DCBLD1: variants seen among roughly 807,000 people sequenced by gnomAD.
The protein encoded by DCBLD1 is discoidin, CUB and LCCL domain-containing protein 1.
Under a neutral mutation model 71.5 loss-of-function variants are expected in DCBLD1, and 57 were observed. That is an observed-to-expected ratio of 0.80 (90% CI 0.64 to 0.99). The LOEUF is 0.99. DCBLD1 is among the 50% of genes least tolerant of loss of function. The pLI is 0.00. For synonymous variants in DCBLD1, 380 were observed against 363.8 expected, an observed-to-expected ratio of 1.04 and a Z score of -0.51; for missense variants, 891 against 923.5, an observed-to-expected ratio of 0.96 and a Z score of 0.46.
chr6:117,560,851 A>G (rs1779571463), intron 14 of DCBLD1: 1 of 214,686 alleles, frequency 4.7e-6, no homozygotes, highest in Non-Finnish European at 9.4e-6. Context: ...TCTCGATGAA[A>G]TGGCTTTGCA....
intron 5 of DCBLD1, 60 bp downstream of exon 5, chr6:117,525,494 C>A: frequency 8.1e-7 from 1 of 1,238,228 alleles, no homozygotes; most frequent in South Asian, 2.2e-5. Flanking sequence ...TTTACTCTGC[C>A]TAAATTAATT....
chr6:117,543,076 G>T, intron 11 of DCBLD1, 48 bp from the exon 12 acceptor site: 2 of 1,489,200 alleles, frequency 1.3e-6, no homozygotes, highest in South Asian at 1.1e-5. Context: ...ATGAAAAGTG[G>T]TTGTTGGTCA....
chr6:117,482,937 G>A (rs1776944597), intron 1 of DCBLD1, 44 bp downstream of exon 1: 8 of 1,158,996 alleles, frequency 6.9e-6, no homozygotes, highest in African/African-American at 3.3e-5. Context: ...CGAGGCGCCA[G>A]GGGCGGGCTG....
intron 14 of DCBLD1, chr6:117,562,431 T>C (rs1048279515): frequency 3.0e-5 from 6 of 201,864 alleles, no homozygotes; most frequent in African/African-American, 1.4e-4. Flanking sequence ...TCAAAATGTA[T>C]AAAACTGTCT....
chr6:117,482,957 GGGCGGGCCGGGCCGGGCCGA>G, intron 1 of DCBLD1, 64 bp downstream of exon 1: 1 of 618,098 alleles, frequency 1.6e-6, no homozygotes, highest in Non-Finnish European at 1.9e-6. Flanking sequence ...GAGGGCTGCG[GGGCGGGCCGGGCCGGGCCGA>G]GGGCTACGGG....
downstream of DCBLD1, among the ~76,000 whole-genome samples, chr6:117,553,052 A>G (rs1451818911): frequency 6.6e-6 from 1 of 152,216 alleles, no homozygotes; most frequent in African/African-American, 2.4e-5. Context: ...CCATCTCTCC[A>G]TCTTCATCAC....
intron 3 of DCBLD1, 100 bp downstream of exon 3, chr6:117,520,050 C>T: frequency 6.5e-7 from 1 of 1,547,430 alleles, no homozygotes; most frequent in Non-Finnish European, 8.8e-7. Context: ...GACTCAGATG[C>T]AGAATTAAGA....
exon 15 of DCBLD1, chr6:117,569,653 A>G (rs1338756794): frequency 1.9e-6 from 3 of 1,612,770 alleles, no homozygotes; most frequent in Non-Finnish European, 2.5e-6. Context: ...TAGCATCCCC[A>G]ACGTGCAGCC....
intron 6 of DCBLD1, among the ~76,000 whole-genome samples, chr6:117,536,023 C>T (rs915740119): frequency 3.9e-5 from 6 of 152,080 alleles, no homozygotes; most frequent in African/African-American, 1.4e-4. Context: ...TGGAGTCTGC[C>T]AAGCATAGAC....
At chr6:117,510,936 C>A (rs1010485650) in intron 2 of DCBLD1, among the ~76,000 whole-genome samples, 1 of 152,200 alleles carries the variant, frequency 6.6e-6, no homozygotes, top group Non-Finnish European at 1.5e-5. Context: ...TCATTTAACC[C>A]TTATAACAGC....
At chr6:117,558,277 G>A (rs1435100754) in intron 14 of DCBLD1, among the ~76,000 whole-genome samples, 1 of 152,102 alleles carries the variant, frequency 6.6e-6, no homozygotes, top group Non-Finnish European at 1.5e-5. Flanking sequence ...GGCCTCCTTG[G>A]GAGCTGCCCC....
At chr6:117,496,534 C>G (rs56115066) in intron 1 of DCBLD1, among the ~76,000 whole-genome samples, 17,673 of 152,178 alleles carry the variant, frequency 0.12, 1,187 homozygotes, top group Non-Finnish European at 0.14. Flanking sequence ...GCAAGCTCTC[C>G]TTTGTGGTTG....
Position 117,548,283 on chromosome 6 carries a change from C to G in DCBLD1, c.1992C>G (p.Gly664=). ...ACAGCGCACAGCCTGCGGACAGGGGCTACGACCGGCCCAAAGCTGTCAGCG... is the reference window on the plus strand; with the variant it reads ...ACAGCGCACAGCCTGCGGACAGGGGGTACGACCGGCCCAAAGCTGTCAGCG... ...RPHSAQPADR[G]YDRPKAVSAL... is the part of the protein sequence containing the mutation. Residue 664 remains glycine (G), a synonymous_variant, in exon 15 of 15, where the codon GGC becomes GGG. Transcript: ENST00000338728. 6.4e-7 allele frequency: 1 copy of G among 1,550,656 alleles called. No individual in the cohort carries two copies. Among genetic ancestry groups the G allele is most frequent in the Non-Finnish European group, 8.7e-7 (1 of 1,146,996 alleles).
chr6:117,502,135 G>A (rs1247265662), intron 1 of DCBLD1, among the ~76,000 whole-genome samples: 1 of 152,148 alleles, frequency 6.6e-6, no homozygotes, highest in Non-Finnish European at 1.5e-5. Flanking sequence ...GCGTTGTCCA[G>A]CCAGGTTGAT....
rs1028414436 is a variant in DCBLD1, at chr6:117,532,344, G to T, written c.670G>T (p.Gly224Trp). Residue 224 changes from glycine (G) to tryptophan (W), a missense_variant, in exon 6 of 15, where the codon GGG (glycine) becomes TGG (tryptophan). Coordinates refer to ENST00000338728, the MANE Select transcript of DCBLD1 (RefSeq NM_001366458.2). ...CCAGATCAGTGTGCTTCAGCGCAAAGGGATCAGTCGATATGAAGGGATTCT... is the reference window on the plus strand; with the variant it reads ...CCAGATCAGTGTGCTTCAGCGCAAATGGATCAGTCGATATGAAGGGATTCT... ...GGQISVLQRK[G>W]ISRYEGILAN... is the part of the protein sequence containing the mutation. The T allele has an allele frequency of 1.9e-6, 3 of 1,613,590 alleles. No homozygotes were observed. Among genetic ancestry groups the T allele is most frequent in the Non-Finnish European group, 2.5e-6 (3 of 1,179,882 alleles).
intron 6 of DCBLD1, among the ~76,000 whole-genome samples, chr6:117,535,523 G>A (rs905607041): frequency 1.3e-5 from 2 of 152,044 alleles, no homozygotes; most frequent in African/African-American, 4.8e-5. Context: ...TATTTAATTC[G>A]TTCAATGGAA....
downstream of DCBLD1, among the ~76,000 whole-genome samples, chr6:117,553,798 A>G (rs1779461285): frequency 6.6e-6 from 1 of 152,062 alleles, no homozygotes; most frequent in Non-Finnish European, 1.5e-5. Context: ...TGCCATTGTA[A>G]ATTGTCCCCA....
chr6:117,522,302 A>G (rs757573373), intron 4 of DCBLD1, among the ~76,000 whole-genome samples: 1 of 152,152 alleles, frequency 6.6e-6, no homozygotes, highest in Non-Finnish European at 1.5e-5. Flanking sequence ...CCTGGCCTCT[A>G]TGTCCTAGAT....
chr6:117,515,963 T>A (rs1241762221), intron 2 of DCBLD1, among the ~76,000 whole-genome samples: 1 of 152,160 alleles, frequency 6.6e-6, no homozygotes, highest in Admixed American at 6.5e-5. Context: ...TGGAACACAG[T>A]CTGAAGAGAA....
Sources: gnomAD v4.1 joint callset for allele counts (sites outside exome capture counted in the v4.1 genomes callset) on GRCh38, gnomAD v4.1.1 for gene constraint, MANE v1.5 for transcripts, NCBI Gene and HGNC (gene_info 2026-07-23, HGNC 2026-07-21) for gene names.